SPPL2A: variants seen among roughly 807,000 people sequenced by gnomAD.
SPPL2A encodes signal peptide peptidase like 2A.
In SPPL2A, 51 loss-of-function variants were observed where a neutral mutation model predicts 63.8. The observed-to-expected ratio is 0.80, with a 90% CI of 0.64 to 1.01. The LOEUF (loss-of-function observed/expected upper bound fraction) is 1.01. Among genes scored for constraint, SPPL2A ranks in the 50% least tolerant of loss-of-function variants. The pLI, the probability that SPPL2A is intolerant of heterozygous loss-of-function variation, is 0.00. For synonymous variants in SPPL2A, 188 were observed against 205.8 expected (o/e 0.91, Z 0.74); for missense variants, 553 against 622.7 (o/e 0.89, Z 1.19).
chr15:50,740,447 A>AAG (rs1555443460), intron 5 of SPPL2A, among the ~76,000 whole-genome samples: 27 of 128,364 alleles, frequency 2.1e-4, no homozygotes, highest in Non-Finnish European at 3.5e-4. Flanking sequence ...AAAAAAAAAG[A>AAG]AAAAAAAAAG....
intron 1 of SPPL2A, among the ~76,000 whole-genome samples, chr15:50,762,735 C>CTTTTT (rs72181864): frequency 1.5e-5 from 2 of 137,088 alleles, no homozygotes; most frequent in Admixed American, 7.5e-5. Flanking sequence ...TTTTTCTTTT[C>CTTTTT]TTTTTTTTTT....
intron 10 of SPPL2A, among the ~76,000 whole-genome samples, chr15:50,727,472 C>T (rs1415690042): frequency 6.6e-6 from 1 of 152,152 alleles, no homozygotes; most frequent in East Asian, 1.9e-4. Flanking sequence ...GATAACATTT[C>T]CAGATAAAGA....
chr15:50,712,683 T>TC (rs1478400047), intron 14 of SPPL2A, among the ~76,000 whole-genome samples: 2 of 123,296 alleles, frequency 1.6e-5, no homozygotes, highest in Admixed American at 8.2e-5. Flanking sequence ...CCCCCCCTTT[T>TC]TTTTTTTTTT....
intron 14 of SPPL2A, among the ~76,000 whole-genome samples, chr15:50,713,144 A>G (rs1253298097): frequency 6.6e-6 from 1 of 152,164 alleles, no homozygotes; most frequent in Non-Finnish European, 1.5e-5. Flanking sequence ...GCTAATTTTG[A>G]TTTTAAATGT....
At chr15:50,739,640 T>C in intron 6 of SPPL2A, 40 bp downstream of exon 6, 1 of 1,389,380 alleles carries the variant, frequency 7.2e-7, no homozygotes, top group Non-Finnish European at 9.7e-7. Flanking sequence ...GTGAAAAGAA[T>C]GTATGTTAAC....
chr15:50,735,716 C>T (rs1360532459), intron 8 of SPPL2A, among the ~76,000 whole-genome samples: 1 of 152,114 alleles, frequency 6.6e-6, no homozygotes, highest in African/African-American at 2.4e-5. Flanking sequence ...GCTGGGATTA[C>T]AGGCATGCAC....
chr15:50,721,009 A>G (rs1216425127), intron 13 of SPPL2A, among the ~76,000 whole-genome samples: 2 of 152,082 alleles, frequency 1.3e-5, no homozygotes, highest in African/African-American at 4.8e-5. Context: ...CTAATATGTT[A>G]AAGCCCTGGA....
chr15:50,757,500 G>T (rs2062970243), intron 1 of SPPL2A, among the ~76,000 whole-genome samples: 1 of 152,022 alleles, frequency 6.6e-6, no homozygotes, highest in Admixed American at 6.6e-5. Flanking sequence ...CCTTTTACAG[G>T]CCAATTCCTT....
At chr15:50,727,689 C>T (rs2062696729) in intron 10 of SPPL2A, among the ~76,000 whole-genome samples, 1 of 152,116 alleles carries the variant, frequency 6.6e-6, no homozygotes, top group African/African-American at 2.4e-5. Flanking sequence ...CACTAGAAGG[C>T]CACTAATACT....
intron 14 of SPPL2A, among the ~76,000 whole-genome samples, chr15:50,718,618 C>A (rs2062618989): frequency 6.6e-6 from 1 of 152,092 alleles, no homozygotes; most frequent in Non-Finnish European, 1.5e-5. Context: ...TAAGTTGAGA[C>A]AACAGCTTTG....
intron 14 of SPPL2A, among the ~76,000 whole-genome samples, chr15:50,719,607 CAA>C (rs1169534378): frequency 1.3e-5 from 2 of 152,116 alleles, no homozygotes; most frequent in African/African-American, 4.8e-5. Flanking sequence ...TGCTTAGTCT[CAA>C]AATTAAGTAC....
At chr15:50,713,588 C>T (rs1321906145) in intron 14 of SPPL2A, among the ~76,000 whole-genome samples, 5 of 151,440 alleles carry the variant, frequency 3.3e-5, no homozygotes, top group Non-Finnish European at 7.4e-5. Context: ...TTTTTTTTAA[C>T]ATCCTGCAAG....
At chr15:50,751,701 A>G (rs1451319166) in intron 1 of SPPL2A, among the ~76,000 whole-genome samples, 1 of 152,212 alleles carries the variant, frequency 6.6e-6, no homozygotes, top group African/African-American at 2.4e-5. Context: ...CCAGGATATT[A>G]GCCTCCATGA....
At chr15:50,757,560 A>C (rs1160632417) in intron 1 of SPPL2A, among the ~76,000 whole-genome samples, 1 of 152,144 alleles carries the variant, frequency 6.6e-6, no homozygotes, top group Non-Finnish European at 1.5e-5. Flanking sequence ...AATCAAGCTC[A>C]CAACAGAATC....
At chr15:50,723,209 G>A (rs912090272) in intron 12 of SPPL2A, among the ~76,000 whole-genome samples, 1 of 152,174 alleles carries the variant, frequency 6.6e-6, no homozygotes, top group African/African-American at 2.4e-5. Flanking sequence ...TTGCTTATGG[G>A]AATGTAAATT....
rs1333970022 is a variant in SPPL2A, at chr15:50,704,451, GA to G, written c.*3348del. The G allele has an allele frequency of 6.6e-6, 1 of 150,454 alleles. No homozygotes were observed. Among genetic ancestry groups the G allele is most frequent in the Non-Finnish European group, 1.5e-5 (1 of 67,812 alleles). 9.3% of individuals were successfully genotyped at this position (150,454 alleles called of 1,614,324 possible). A position where few individuals can be genotyped will look rare whatever the true frequency, so the allele number is the denominator to read the frequency against. ...ATTTATTTTTGCTAAACTAAACTGA[GA>G]CAAAAGTAATCTACATTACAATTTG... On this transcript the variant is annotated 3_prime_UTR_variant, in exon 15 of 15. Transcript: ENST00000261854.
At chr15:50,735,500 TAC>T (rs768922277) in intron 8 of SPPL2A, among the ~76,000 whole-genome samples, 6 of 150,368 alleles carry the variant, frequency 4.0e-5, no homozygotes, top group East Asian at 2.0e-4. Flanking sequence ...TGTGTATATA[TAC>T]ACACACACAC....
At chr15:50,728,450 T>G (rs1215662485) in intron 10 of SPPL2A, among the ~76,000 whole-genome samples, 1 of 150,962 alleles carries the variant, frequency 6.6e-6, no homozygotes, top group Non-Finnish European at 1.5e-5. Context: ...TTCACGCCAT[T>G]CTCCTGCCTC....
rs1312068610 is a variant in SPPL2A, at chr15:50,705,676, CAG to C, written c.*2122_*2123del. 1 of 152,086 alleles carries C rather than the reference CAG, an allele frequency of 6.6e-6. No individual in the cohort carries two copies. Among genetic ancestry groups the C allele is most frequent in the Non-Finnish European group, 1.5e-5 (1 of 68,024 alleles). The allele number at this position is 152,086 out of a possible 1,614,324, so 9.4% of individuals were successfully genotyped here. A position where few individuals can be genotyped will look rare whatever the true frequency, so the allele number is the denominator to read the frequency against. On this transcript the variant is annotated 3_prime_UTR_variant, in exon 15 of 15. Coordinates refer to ENST00000261854, the MANE Select transcript of SPPL2A (RefSeq NM_032802.4). The stretch of plus-strand genomic sequence containing the variant: ...CGAAAGGACCCATAACTGCATTAAG[CAG>C]AGAGGGACTGACTGTCAATGAAGCT...
Sources: allele counts gnomAD v4.1 joint callset (sites outside exome capture counted in the v4.1 genomes callset), GRCh38; gene constraint gnomAD v4.1.1; transcripts MANE v1.5; gene names NCBI Gene and HGNC (gene_info 2026-07-23, HGNC 2026-07-21).